SSUH2: variants seen among roughly 807,000 people sequenced by gnomAD.
The protein encoded by SSUH2 is protein SSUH2 homolog.
In SSUH2, 47 loss-of-function variants were observed where a neutral mutation model predicts 55.3. That is an observed-to-expected ratio of 0.85 (90% CI 0.67 to 1.08). The LOEUF is 1.08. Among genes scored for constraint, SSUH2 ranks in the 50% least tolerant of loss-of-function variants. The probability of loss-of-function intolerance (pLI) is 0.00; values close to 1 mark genes in which losing one functional copy is unlikely to be tolerated. For missense variants in SSUH2, 535 were observed against 490.7 expected (o/e 1.09, Z -0.85); for synonymous variants, 212 against 191.5 (o/e 1.11, Z -0.89).
At chr3:8,629,760 C>T (rs1483870453) in intron 6 of SSUH2, 34 bp from the exon 7 acceptor site, 2 of 1,608,752 alleles carry the variant, frequency 1.2e-6, no homozygotes, top group South Asian at 1.1e-5. Flanking sequence ...GATCTAGTTT[C>T]CCAAGGGCCA....
intron 4 of SSUH2, 65 bp from the exon 5 acceptor site, chr3:8,632,174 A>C (rs1698928638): frequency 2.8e-6 from 4 of 1,410,332 alleles, no homozygotes; most frequent in Non-Finnish European, 2.0e-6. Context: ...TTATGCAAAA[A>C]GATGAAGCTG....
chr3:8,634,103 T>G, intron 3 of SSUH2: 1 of 764,180 alleles, frequency 1.3e-6, no homozygotes, highest in Non-Finnish European at 2.1e-6. Flanking sequence ...TGTACCATTT[T>G]ATAGATAAGA....
Position 8,619,858 on chromosome 3 carries a change from C to T in SSUH2, c.*10G>A. Reference sequence around the variant, plus strand: ...CGTGAATGGCAGGCTCTGGGGACAGCCATGCTATGTCACACGATGGTACAG... The same window carrying T: ...CGTGAATGGCAGGCTCTGGGGACAGTCATGCTATGTCACACGATGGTACAG... On this transcript the variant is annotated 3_prime_UTR_variant, in exon 12 of 12. Transcript: ENST00000544814. 6.2e-7 allele frequency: 1 copy of T among 1,612,084 alleles called. No homozygotes were observed. Among genetic ancestry groups the T allele is most frequent in the Non-Finnish European group, 8.5e-7 (1 of 1,179,166 alleles).
intron 1 of SSUH2, among the ~76,000 whole-genome samples, chr3:8,643,666 A>G (rs1009886728): frequency 2.0e-5 from 3 of 152,208 alleles, no homozygotes; most frequent in Non-Finnish European, 4.4e-5. Context: ...TAAAGACAAG[A>G]AAGAGTGTTA....
intron 6 of SSUH2, among the ~76,000 whole-genome samples, chr3:8,661,519 C>A (rs1474701223): frequency 6.6e-6 from 1 of 152,174 alleles, no homozygotes; most frequent in Admixed American, 6.5e-5. Flanking sequence ...TGAGATTTTA[C>A]CCTACCTGCA....
chr3:8,630,158 C>T (rs1034641371), intron 6 of SSUH2, among the ~76,000 whole-genome samples: 1 of 152,200 alleles, frequency 6.6e-6, no homozygotes, highest in East Asian at 1.9e-4. Flanking sequence ...ATAGCCTTGG[C>T]CCCCTTGAGA....
intron 3 of SSUH2, among the ~76,000 whole-genome samples, chr3:8,673,810 G>A (rs866027357): frequency 1.3e-5 from 2 of 152,128 alleles, no homozygotes; most frequent in African/African-American, 2.4e-5. Context: ...AACTGAGACC[G>A]GGAAGCTCTC....
At chr3:8,626,678 C>T (rs1303997760) in intron 8 of SSUH2, among the ~76,000 whole-genome samples, 1 of 152,068 alleles carries the variant, frequency 6.6e-6, no homozygotes, top group Non-Finnish European at 1.5e-5. Context: ...AGATCTGTCC[C>T]AGGATGTTTG....
chr3:8,672,021 A>T (rs1006910620), exon 4 of SSUH2: 1 of 152,130 alleles, frequency 6.6e-6, no homozygotes, highest in Non-Finnish European at 1.5e-5. Flanking sequence ...TTGCAGTAAT[A>T]GCATCCTCTT....
intron 4 of SSUH2, among the ~76,000 whole-genome samples, chr3:8,632,627 G>A (rs1699019802): frequency 6.6e-6 from 1 of 152,190 alleles, no homozygotes; most frequent in Non-Finnish European, 1.5e-5. Context: ...CCACACAGTG[G>A]CCTCTTCTTT....
rs542092821 is a variant in SSUH2 at position 8,642,624 on chromosome 3, C to T, written c.28+2107G>A. Among the ~76,000 whole-genome samples, 5 of 152,324 alleles carry T rather than the reference C, an allele frequency of 3.3e-5. No homozygotes were observed. In the South Asian group the frequency reaches 1.0e-3, roughly 32 times the overall value. ...TGCACATGGGTGCCACATCCCAGAA[C>T]GTTCCTATCCATGCACTTTTGTCCC... is the stretch of plus-strand genomic sequence containing the variant. On this transcript the variant is annotated intron_variant, in intron 1 of 11. Transcript: ENST00000544814.
In SSUH2 at chr3:8,628,234, T is replaced by C. The variant is rs9835669; in HGVS notation, c.589-451A>G. 4.4e-3 allele frequency among the ~76,000 whole-genome samples: 676 copies of C among 152,162 alleles called. 2 individuals are homozygous for C. The highest frequency in any genetic ancestry group is 0.015 in the African/African-American group (621 of 41,516). ...GACCACCGCTGGGACCCACAGGCAG[T>C]GCAGGAGTGAGCTGGGGATGCAAAC... On this transcript the variant is annotated intron_variant, in intron 7 of 11. Coordinates refer to ENST00000544814, the MANE Select transcript of SSUH2 (RefSeq NM_001256748.3).
chr3:8,622,332 G>A (rs1696617449), intron 11 of SSUH2, among the ~76,000 whole-genome samples: 1 of 152,196 alleles, frequency 6.6e-6, no homozygotes. Context: ...TCCCGGAATG[G>A]CTGTATTGGC....
chr3:8,621,118 C>T (rs1696343554), intron 11 of SSUH2, among the ~76,000 whole-genome samples: 1 of 152,196 alleles, frequency 6.6e-6, no homozygotes, highest in Non-Finnish European at 1.5e-5. Context: ...TGCTCCTGAT[C>T]ATCTAAGCCA....
At chr3:8,637,900 C>A (rs1342665431) in intron 1 of SSUH2, among the ~76,000 whole-genome samples, 1 of 152,170 alleles carries the variant, frequency 6.6e-6, no homozygotes, top group South Asian at 2.1e-4. Flanking sequence ...CCCGTAGTAG[C>A]TCTCTCCCTT....
intron 1 of SSUH2, among the ~76,000 whole-genome samples, chr3:8,640,851 A>C (rs560481331): frequency 6.6e-6 from 1 of 152,386 alleles, no homozygotes; most frequent in South Asian, 2.1e-4. Context: ...GCAAGAATGC[A>C]GCAAATATTG....
intron 8 of SSUH2, among the ~76,000 whole-genome samples, chr3:8,626,539 C>G (rs1697584152): frequency 2.8e-4 from 2 of 7,124 alleles, no homozygotes; most frequent in Non-Finnish European, 4.7e-4. Flanking sequence ...TAGGGCCTGC[C>G]CCCCCCCCTC....
upstream of SSUH2, among the ~76,000 whole-genome samples, chr3:8,648,783 C>G (rs1702033784): frequency 6.6e-6 from 1 of 152,142 alleles, no homozygotes; most frequent in African/African-American, 2.4e-5. Flanking sequence ...AAAACTTAAC[C>G]TTGACCCTGG....
chr3:8,635,129 C>T (rs749206563), intron 3 of SSUH2, among the ~76,000 whole-genome samples, 171 bp downstream of exon 3: 1 of 152,220 alleles, frequency 6.6e-6, no homozygotes, highest in Non-Finnish European at 1.5e-5. Context: ...ACCTGAAGAG[C>T]TTGGTAAAAT....
Sources: allele counts gnomAD v4.1 joint callset (sites outside exome capture counted in the v4.1 genomes callset), GRCh38; gene constraint gnomAD v4.1.1; transcripts MANE v1.5; gene names NCBI Gene and HGNC (gene_info 2026-07-23, HGNC 2026-07-21).